PLCB4: variants seen among roughly 807,000 people sequenced by gnomAD.
The protein encoded by PLCB4 is phospholipase C beta 4, also known as 1-phosphatidylinositol 4,5-bisphosphate phosphodiesterase beta-4.
Under a neutral mutation model 178.8 loss-of-function variants are expected in PLCB4, and 77 were observed. That is an observed-to-expected ratio of 0.43 (90% CI 0.36 to 0.52). The LOEUF is 0.52. Among genes scored for constraint, PLCB4 ranks in the 20% least tolerant of loss-of-function variants. PLCB4 has a pLI of 0.00. For missense variants in PLCB4, 1,024 were observed against 1,453.4 expected (o/e 0.70, Z 4.80); for synonymous variants, 496 against 490.8 (o/e 1.01, Z -0.14).
At chr20:9,227,371 C>A (rs559986042) in intron 3 of PLCB4, among the ~76,000 whole-genome samples, 36 of 151,980 alleles carry the variant, frequency 2.4e-4, no homozygotes, top group African/African-American at 6.3e-4. Context: ...TAGATCCCTT[C>A]ATATTTTGTT....
At chr20:9,076,803 C>G (rs1260420494) in intron 1 of PLCB4, among the ~76,000 whole-genome samples, 5 of 148,550 alleles carry the variant, frequency 3.4e-5, no homozygotes, top group African/African-American at 1.2e-4. Flanking sequence ...GGACAAATCA[C>G]CAAAGCCCTC....
At chr20:9,432,763 C>T (rs6108291) in intron 28 of PLCB4, among the ~76,000 whole-genome samples, 3 of 152,188 alleles carry the variant, frequency 2.0e-5, no homozygotes, top group Non-Finnish European at 4.4e-5. Context: ...TGTGGTTCTC[C>T]TAACACAGCA....
intron 33 of PLCB4, among the ~76,000 whole-genome samples, chr20:9,455,612 T>C (rs2043010114): frequency 6.6e-6 from 1 of 152,136 alleles, no homozygotes; most frequent in South Asian, 2.1e-4. Context: ...AGCCCTGTTT[T>C]ATCCTAAACG....
chr20:9,236,107 T>G (rs2093990025), intron 3 of PLCB4, among the ~76,000 whole-genome samples: 1 of 152,224 alleles, frequency 6.6e-6, no homozygotes, highest in East Asian at 1.9e-4. Context: ...ATCCCTTCCC[T>G]AAGCGTAATC....
At chr20:9,427,232 A>G (rs2041081573) in intron 28 of PLCB4, among the ~76,000 whole-genome samples, 1 of 152,036 alleles carries the variant, frequency 6.6e-6, no homozygotes, top group Non-Finnish European at 1.5e-5. Context: ...CTCCAAAAAC[A>G]ACAACAACAA....
intron 30 of PLCB4, among the ~76,000 whole-genome samples, chr20:9,439,459 G>A (rs1331681355): frequency 2.0e-5 from 3 of 152,162 alleles, no homozygotes; most frequent in South Asian, 4.1e-4. Flanking sequence ...CTTGATTAGA[G>A]GAGAAAGAAA....
rs189523527 is a variant in PLCB4 at position 9,104,294 on chromosome 20, T to C, written c.-79+7952T>C. Among the ~76,000 whole-genome samples the C allele has an allele frequency of 3.8e-3, 582 of 152,256 alleles. 2 individuals carry two copies. The highest frequency in any genetic ancestry group is 0.01 in the Middle Eastern group (3 of 294). ...GTGGCTGAGTTACAAGAGTAAGTTTTCCAAGAGATAGAAGTAAAAGTTGTC... is the reference window on the plus strand; with the variant it reads ...GTGGCTGAGTTACAAGAGTAAGTTTCCCAAGAGATAGAAGTAAAAGTTGTC... On this transcript the variant is annotated intron_variant, in intron 2 of 39. Coordinates refer to ENST00000378473, the MANE Select transcript of PLCB4 (RefSeq NM_001377142.1).
intron 3 of PLCB4, among the ~76,000 whole-genome samples, chr20:9,300,228 A>G (rs2094687551): frequency 6.6e-6 from 1 of 152,142 alleles, no homozygotes. Context: ...CCAACTCTCT[A>G]TGTTCTGGAA....
chr20:9,348,914 A>AT (rs2148142887), intron 7 of PLCB4, among the ~76,000 whole-genome samples: 1 of 152,306 alleles, frequency 6.6e-6, no homozygotes, highest in South Asian at 2.1e-4. Flanking sequence ...TGCACTGACC[A>AT]TGTTGACAAG....
Position 9,411,034 on chromosome 20 carries a change from C to T in PLCB4, c.2000-3C>T, listed in dbSNP as rs1329064199. On this transcript the variant is annotated splice_region_variant and splice_polypyrimidine_tract_variant and intron_variant, in intron 24 of 39. Coordinates refer to ENST00000378473, the MANE Select transcript of PLCB4 (RefSeq NM_001377142.1). ...ATGCTAAATTATTTTTGTCTCTTGA[C>T]AGATTTAGCGATGCAATTGAATCAG... The T allele has an allele frequency of 6.2e-7, 1 of 1,607,444 alleles. No homozygotes were observed. The highest frequency in any genetic ancestry group is 8.5e-7 in the Non-Finnish European group (1 of 1,174,148).
intron 28 of PLCB4, among the ~76,000 whole-genome samples, chr20:9,425,096 T>C (rs2040907474): frequency 6.7e-6 from 1 of 149,072 alleles, no homozygotes; most frequent in South Asian, 2.1e-4. Context: ...CATACAGTAA[T>C]AGAGGTAACA....
chr20:9,405,277 A>C, intron 20 of PLCB4, 36 bp from the exon 21 acceptor site: 1 of 1,328,072 alleles, frequency 7.5e-7, no homozygotes, highest in African/African-American at 1.5e-5. Context: ...TTTGCCCTTT[A>C]GAGAAGTAAA....
intron 12 of PLCB4, 107 bp from the exon 13 acceptor site, chr20:9,379,947 A>T: frequency 1.7e-6 from 1 of 585,676 alleles, no homozygotes; most frequent in Non-Finnish European, 3.1e-6. Flanking sequence ...GTAATTATAA[A>T]CATGACAGTC....
At chr20:9,185,080 G>C (rs912675394) in intron 2 of PLCB4, among the ~76,000 whole-genome samples, 9 of 152,114 alleles carry the variant, frequency 5.9e-5, no homozygotes, top group African/African-American at 2.2e-4. Context: ...GTGCCACCAT[G>C]CCCCACTGGT....
intron 35 of PLCB4, among the ~76,000 whole-genome samples, chr20:9,467,779 C>G (rs1402454538): frequency 6.6e-6 from 1 of 152,134 alleles, no homozygotes; most frequent in African/African-American, 2.4e-5. Flanking sequence ...GGATGCAGAG[C>G]AAATAGCAGT....
chr20:9,410,283 T>C (rs142917065), intron 24 of PLCB4, among the ~76,000 whole-genome samples: 63 of 152,348 alleles, frequency 4.1e-4, no homozygotes, highest in Admixed American at 7.8e-4. Flanking sequence ...AATACAATCC[T>C]GAGTGTTTCT....
intron 2 of PLCB4, among the ~76,000 whole-genome samples, chr20:9,143,215 C>T (rs985879442): frequency 3.9e-5 from 6 of 152,096 alleles, no homozygotes; most frequent in Non-Finnish European, 7.4e-5. Context: ...TTGGCTGACT[C>T]GTTTGTTGTC....
chr20:9,100,354 G>A (rs185741903), intron 2 of PLCB4, among the ~76,000 whole-genome samples: 34 of 152,242 alleles, frequency 2.2e-4, no homozygotes, highest in African/African-American at 3.4e-4. Flanking sequence ...ATAATAACAG[G>A]ACAATTTAAT....
chr20:9,243,736 C>T (rs1209848149), intron 3 of PLCB4, among the ~76,000 whole-genome samples: 1 of 152,056 alleles, frequency 6.6e-6, no homozygotes, highest in African/African-American at 2.4e-5. Flanking sequence ...TGCTTTAAAA[C>T]CAGACCGCAT....
Sources: allele counts gnomAD v4.1 joint callset (sites outside exome capture counted in the v4.1 genomes callset), GRCh38; gene constraint gnomAD v4.1.1; transcripts MANE v1.5; gene names NCBI Gene and HGNC (gene_info 2026-07-23, HGNC 2026-07-21).